FARS2: variants seen among roughly 807,000 people sequenced by gnomAD.
The protein encoded by FARS2 is phenylalanine--tRNA ligase, mitochondrial.
Under a neutral mutation model 46.4 loss-of-function variants are expected in FARS2, and 40 were observed. The observed-to-expected ratio is 0.86, with a 90% CI of 0.67 to 1.12. The LOEUF is 1.12. Among genes scored for constraint, FARS2 ranks in the 50% most tolerant of loss-of-function variants. FARS2 has a pLI of 0.00. For synonymous variants in FARS2, 234 were observed against 214.9 expected, an observed-to-expected ratio of 1.09 and a Z score of -0.78; for missense variants, 513 against 567.9, an observed-to-expected ratio of 0.90 and a Z score of 0.98.
intron 4 of FARS2, among the ~76,000 whole-genome samples, chr6:5,515,830 A>T (rs1462588576): frequency 2.0e-5 from 3 of 152,236 alleles, no homozygotes; most frequent in Non-Finnish European, 4.4e-5. Flanking sequence ...ATAATTTAGC[A>T]TATCATTTTA....
chr6:5,770,305 T>C lies in FARS2; in HGVS notation c.1218-986T>C, dbSNP rs376312021. Among the ~76,000 whole-genome samples the C allele has an allele frequency of 2.5e-4, 38 of 152,338 alleles. No individual in the cohort carries two copies. The East Asian group carries it at 5.2e-3, about 21-fold the overall frequency. ...TCTCCCTGGCTAGGCTAAGGGCTGG[T>C]TGACGGCATCATAAAAGGAATCTGC... On this transcript the variant is annotated intron_variant, in intron 6 of 6. Transcript: ENST00000274680.
At chr6:5,651,377 C>T (rs966133137) in intron 6 of FARS2, among the ~76,000 whole-genome samples, 2 of 152,168 alleles carry the variant, frequency 1.3e-5, no homozygotes, top group African/African-American at 4.8e-5. Flanking sequence ...TCCTCACTGA[C>T]GTGTAGCAAA....
intron 3 of FARS2, among the ~76,000 whole-genome samples, chr6:5,429,140 G>A (rs191062235): frequency 1.1e-3 from 168 of 152,298 alleles, no homozygotes; most frequent in Middle Eastern, 6.8e-3. Context: ...AGAAAGCTGG[G>A]AGGTGATGTT....
intron 6 of FARS2, among the ~76,000 whole-genome samples, chr6:5,629,254 T>C (rs1776178010): frequency 6.6e-6 from 1 of 152,198 alleles, no homozygotes; most frequent in Non-Finnish European, 1.5e-5. Context: ...AGGTATCACA[T>C]AGGTATATGT....
chr6:5,293,084 G>A (rs571967413), intron 1 of FARS2, among the ~76,000 whole-genome samples: 11 of 152,362 alleles, frequency 7.2e-5, no homozygotes, highest in Non-Finnish European at 1.3e-4. Flanking sequence ...TGGTGACACT[G>A]TTGGAAATAG....
intron 4 of FARS2, among the ~76,000 whole-genome samples, chr6:5,495,979 A>G (rs1767437714): frequency 6.6e-6 from 1 of 152,168 alleles, no homozygotes; most frequent in East Asian, 1.9e-4. Context: ...CTGAATATGG[A>G]AGAAAGCTTG....
chr6:5,443,760 A>T (rs1763972059), intron 4 of FARS2, among the ~76,000 whole-genome samples: 1 of 152,224 alleles, frequency 6.6e-6, no homozygotes. Context: ...TGGCTGATAA[A>T]ACATACATTG....
chr6:5,325,293 C>G (rs376557441), intron 1 of FARS2, among the ~76,000 whole-genome samples: 52 of 152,364 alleles, frequency 3.4e-4, no homozygotes, highest in Middle Eastern at 3.4e-3. Flanking sequence ...CCATTTCCAG[C>G]TTGCATAGCA....
At chr6:5,732,557 G>A (rs1760703039) in intron 6 of FARS2, among the ~76,000 whole-genome samples, 1 of 152,178 alleles carries the variant, frequency 6.6e-6, no homozygotes, top group Admixed American at 6.5e-5. Flanking sequence ...TGAATGTTGG[G>A]CCCATCAAGA....
In FARS2 at chr6:5,523,538, G is replaced by A. The variant is rs560627049; in HGVS notation, c.905-21642G>A. Among the ~76,000 whole-genome samples, 9 of 152,088 alleles carry A rather than the reference G, an allele frequency of 5.9e-5. No homozygotes were observed. The South Asian group carries it at 1.0e-3, about 18-fold the overall frequency. ...ATATCTGGCTGGTGGTTGGGTCCCC[G>A]CTCAGGGTCTCTGTATTCAGTGGTA... On this transcript the variant is annotated intron_variant, in intron 4 of 6. Coordinates refer to ENST00000274680, the MANE Select transcript of FARS2 (RefSeq NM_006567.5).
chr6:5,548,893 C>T (rs1265435103), intron 5 of FARS2, among the ~76,000 whole-genome samples: 2 of 152,140 alleles, frequency 1.3e-5, no homozygotes, highest in Non-Finnish European at 2.9e-5. Context: ...AGGATTTGTA[C>T]ATTCATATTT....
At chr6:5,283,690 C>A (rs915310130) in intron 1 of FARS2, among the ~76,000 whole-genome samples, 2 of 152,034 alleles carry the variant, frequency 1.3e-5, no homozygotes, top group African/African-American at 4.8e-5. Context: ...ACATTTATAT[C>A]GCATTTCTAA....
intron 6 of FARS2, among the ~76,000 whole-genome samples, chr6:5,742,667 A>G (rs1373063760): frequency 1.3e-5 from 2 of 150,728 alleles, no homozygotes; most frequent in African/African-American, 4.9e-5. Flanking sequence ...CGCCACTTCC[A>G]CTCTTCTGCT....
At chr6:5,423,774 G>A (rs1223585778) in intron 3 of FARS2, among the ~76,000 whole-genome samples, 1 of 152,158 alleles carries the variant, frequency 6.6e-6, no homozygotes, top group African/African-American at 2.4e-5. Flanking sequence ...GTACATGGTT[G>A]TGTGGACGCA....
At chr6:5,700,950 A>T (rs924813639) in intron 6 of FARS2, among the ~76,000 whole-genome samples, 1 of 151,948 alleles carries the variant, frequency 6.6e-6, no homozygotes, top group African/African-American at 2.4e-5. Context: ...CCTCAGATAA[A>T]TACTTTACTT....
intron 5 of FARS2, among the ~76,000 whole-genome samples, chr6:5,606,568 A>G (rs917940723): frequency 6.6e-6 from 1 of 152,074 alleles, no homozygotes; most frequent in Non-Finnish European, 1.5e-5. Context: ...GGGACTAGGA[A>G]AGGCCTAAGA....
intron 2 of FARS2, among the ~76,000 whole-genome samples, chr6:5,381,193 A>G (rs1759749814): frequency 6.6e-6 from 1 of 151,718 alleles, no homozygotes; most frequent in Non-Finnish European, 1.5e-5. Flanking sequence ...GTAGAGACTA[A>G]AAATCCTGTT....
intron 4 of FARS2, among the ~76,000 whole-genome samples, chr6:5,476,965 T>C (rs1766160440): frequency 6.6e-6 from 1 of 152,112 alleles, no homozygotes; most frequent in Non-Finnish European, 1.5e-5. Flanking sequence ...CTCTAGCTGG[T>C]AGTTGAGAAT....
intron 6 of FARS2, among the ~76,000 whole-genome samples, chr6:5,672,804 A>G (rs758225765): frequency 1.3e-5 from 2 of 152,098 alleles, no homozygotes; most frequent in Non-Finnish European, 2.9e-5. Flanking sequence ...TGCCACTGAC[A>G]ACATGTGTTC....
Sources: allele counts gnomAD v4.1 joint callset (sites outside exome capture counted in the v4.1 genomes callset), GRCh38; gene constraint gnomAD v4.1.1; transcripts MANE v1.5; gene names NCBI Gene and HGNC (gene_info 2026-07-23, HGNC 2026-07-21).